The following NUP210 variants were observed in gnomAD, a reference collection of about 807,000 sequenced individuals.
The protein encoded by NUP210 is nucleoporin 210.
In NUP210, 151 loss-of-function variants were observed where a neutral mutation model predicts 196.0. That is an observed-to-expected ratio of 0.77 (90% CI 0.67 to 0.88). NUP210 has a LOEUF of 0.88. Among genes scored for constraint, NUP210 ranks in the 40% least tolerant of loss-of-function variants. The pLI is 0.00. For synonymous variants in NUP210, 1,070 were observed against 1,052.7 expected (o/e 1.02, Z -0.32); for missense variants, 2,314 against 2,493.7 (o/e 0.93, Z 1.53).
At chr3:13,355,543 A>G (rs1232907777) in intron 16 of NUP210, among the ~76,000 whole-genome samples, 1 of 152,214 alleles carries the variant, frequency 6.6e-6, no homozygotes, top group East Asian at 1.9e-4. Flanking sequence ...CTTGTTTGCC[A>G]TGGCAGCCTG....
At position 13,347,218 on chromosome 3, in the gene NUP210, T is replaced by G. The variant is rs1697774826; in HGVS notation, c.2836-3915A>C. Reference sequence around the variant, plus strand: ...CTCACAGGAGCTGGGCCCCCCGGCTTCATTCCCTCCTGAATCCGCAGTGCT... The same window carrying G: ...CTCACAGGAGCTGGGCCCCCCGGCTGCATTCCCTCCTGAATCCGCAGTGCT... On this transcript the variant is annotated intron_variant, in intron 20 of 39. Transcript: ENST00000254508. This position sits in a 1 kb window ranked among gnomAD's most constrained non-coding sequence, Gnocchi z 4.7. 1 of 985,218 alleles carries G rather than the reference T, an allele frequency of 1.0e-6. No individual in the cohort carries two copies. Among genetic ancestry groups the G allele is most frequent in the African/African-American group, 1.7e-5 (1 of 57,220 alleles). 61.0% of individuals were successfully genotyped at this position (985,218 alleles called of 1,614,324 possible).
chr3:13,318,058 G>C (rs1419254534), intron 39 of NUP210, among the ~76,000 whole-genome samples: 2 of 152,224 alleles, frequency 1.3e-5, no homozygotes, highest in Admixed American at 1.3e-4. Flanking sequence ...ATCTGTCCAG[G>C]GGGCATGAGG....
chr3:13,332,017 G>GT (rs892364375), intron 29 of NUP210, among the ~76,000 whole-genome samples: 4 of 151,270 alleles, frequency 2.6e-5, no homozygotes, highest in African/African-American at 7.4e-5. Context: ...CTAAGCTGGT[G>GT]TTTTTTTCCC....
chr3:13,349,390 G>C (rs1288080486), intron 20 of NUP210, among the ~76,000 whole-genome samples: 1 of 152,230 alleles, frequency 6.6e-6, no homozygotes, highest in African/African-American at 2.4e-5. Context: ...AGTGGGCTCA[G>C]AGGTGGGGGC....
At chr3:13,363,880 A>C (rs985405473) in intron 14 of NUP210, among the ~76,000 whole-genome samples, 2 of 152,002 alleles carry the variant, frequency 1.3e-5, no homozygotes, top group Non-Finnish European at 2.9e-5. Context: ...CCAGCCAAAC[A>C]CCCTGATAAT....
intron 16 of NUP210, among the ~76,000 whole-genome samples, chr3:13,355,788 T>C (rs558755175): frequency 5.9e-5 from 9 of 152,328 alleles, no homozygotes; most frequent in Non-Finnish European, 1.2e-4. Context: ...TGTAGGGACC[T>C]ATCCTAGGTG....
intron 13 of NUP210, among the ~76,000 whole-genome samples, chr3:13,366,314 T>C (rs528459087): frequency 4.9e-4 from 74 of 151,856 alleles, no homozygotes; most frequent in African/African-American, 1.7e-3. Context: ...TTTTTTTTAA[T>C]AGAGACGGGG....
At chr3:13,369,669 C>A (rs1698659878) in intron 13 of NUP210, among the ~76,000 whole-genome samples, 1 of 152,218 alleles carries the variant, frequency 6.6e-6, no homozygotes, top group Non-Finnish European at 1.5e-5. Context: ...GGTAAATAGA[C>A]TGTCCTTTCC....
At chr3:13,400,265 C>A (rs1699790876) in intron 1 of NUP210, among the ~76,000 whole-genome samples, 1 of 152,162 alleles carries the variant, frequency 6.6e-6, no homozygotes, top group Non-Finnish European at 1.5e-5. Flanking sequence ...GGCATCTCGA[C>A]CGACCTCTAG....
chr3:13,352,518 C>A (rs1698015046), intron 18 of NUP210, among the ~76,000 whole-genome samples: 1 of 152,248 alleles, frequency 6.6e-6, no homozygotes, highest in African/African-American at 2.4e-5. Context: ...AGCTTCAGAG[C>A]ATGTGGCCGC....
intron 1 of NUP210, among the ~76,000 whole-genome samples, chr3:13,401,243 G>A (rs1172353450): frequency 1.2e-5 from 1 of 82,582 alleles, no homozygotes; most frequent in African/African-American, 4.4e-5. Context: ...CTGGGCAACA[G>A]AGTGAGACTC....
In NUP210 at chr3:13,348,650, C is replaced by T. The variant is rs182456606; in HGVS notation, c.2835+3229G>A. 2.2e-5 allele frequency: 22 copies of T among 985,384 alleles called. No individual in the cohort carries two copies. In the East Asian group the frequency reaches 9.1e-4, roughly 41 times the overall value. 61.0% of individuals were successfully genotyped at this position (985,384 alleles called of 1,614,324 possible). ...TGAGGGGATAAGAATGCTTAGGAGA[C>T]GCTGCTTGTGGTCTCAGGCTCCTCG... is the stretch of plus-strand genomic sequence containing the variant. On this transcript the variant is annotated intron_variant, in intron 20 of 39. Transcript: ENST00000254508. The surrounding 1 kb of genome is among the most constrained non-coding windows in gnomAD (Gnocchi z 4.0).
chr3:13,316,763 G>A lies in NUP210; in HGVS notation c.*918C>T, dbSNP rs1033893794. On this transcript the variant is annotated 3_prime_UTR_variant, in exon 40 of 40. Coordinates refer to ENST00000254508, the MANE Select transcript of NUP210 (RefSeq NM_024923.4). ...CAGGCGGTGGCTCAGATCTGCTGAG[G>A]TTCTGGAGTGGCACAGGAACAGGAG... 1 of 152,362 alleles carries A rather than the reference G, an allele frequency of 6.6e-6. No individual in the cohort carries two copies. The highest frequency in any genetic ancestry group is 1.5e-5 in the Non-Finnish European group (1 of 68,134). The allele number at this position is 152,362 out of a possible 1,614,324, so 9.4% of individuals were successfully genotyped here.
At chr3:13,370,601 A>G (rs1458450441) in intron 13 of NUP210, among the ~76,000 whole-genome samples, 1 of 152,208 alleles carries the variant, frequency 6.6e-6, no homozygotes, top group Non-Finnish European at 1.5e-5. Context: ...TCCTGCTGTC[A>G]GCGGGCCTCT....
intron 16 of NUP210, among the ~76,000 whole-genome samples, chr3:13,355,878 A>C (rs139303901): frequency 9.6e-4 from 146 of 152,346 alleles, no homozygotes; most frequent in Non-Finnish European, 1.7e-3. Context: ...GGCCAAGCAC[A>C]TGTGCAAGCT....
chr3:13,365,953 G>A lies in NUP210; in HGVS notation c.1925C>T (p.Pro642Leu), dbSNP rs1559330472. The A allele has an allele frequency of 6.2e-7, 1 of 1,614,090 alleles. No homozygotes were observed. Among genetic ancestry groups the A allele is most frequent in the Non-Finnish European group, 8.5e-7 (1 of 1,179,922 alleles). The change falls in exon 14 of 40, where the codon CCC becomes CTC. Residue 642 changes from proline (P) to leucine (L), a missense_variant. Physicochemically the swap from Pro to Leu is moderately conservative, Grantham distance 98. Transcript: ENST00000254508. ...SAKITIAAYL[P>L]LKAVDPSSVA... ...GCAGGGCCCCTGGCTCACCTTGAGG[G>A]GCAGGTAGGCAGCAATGGTGATCTT...
Position 13,321,787 on chromosome 3 carries a change from C to T in NUP210, c.4964G>A (p.Arg1655Gln), listed in dbSNP as rs569442945. ...TGTCTTCTTCATGCTCAGGTGCTTC[C>T]GCTGCTTGTCCGTCAGCCTGTGCAT... ...ITMHRLTDKQ[R>Q]KHLSMKKTAL... The change falls in exon 36 of 40, where the codon CGG (arginine) becomes CAG (glutamine). Residue 1655 changes from arginine to glutamine, a missense_variant. Physicochemically the swap from Arg to Gln is conservative, Grantham distance 43. Coordinates refer to ENST00000254508, the MANE Select transcript of NUP210 (RefSeq NM_024923.4). The T allele has an allele frequency of 2.6e-5, 42 of 1,611,404 alleles. No homozygotes were observed. The highest frequency in any genetic ancestry group is 1.6e-4 in the Middle Eastern group (1 of 6,084).
chr3:13,386,263 C>T lies in NUP210; in HGVS notation c.817+12G>A, dbSNP rs1699269665. ...GGAAGCATCTGTCATGATGGCAGAGCCAATGACACACCTGTAATTTTCCCT... is the reference window on the plus strand; with the variant it reads ...GGAAGCATCTGTCATGATGGCAGAGTCAATGACACACCTGTAATTTTCCCT... On this transcript the variant is annotated intron_variant, in intron 6 of 39. Coordinates refer to ENST00000254508, the MANE Select transcript of NUP210 (RefSeq NM_024923.4). The T allele has an allele frequency of 1.9e-6, 3 of 1,610,628 alleles. No homozygotes were observed. Among genetic ancestry groups the T allele is most frequent in the Non-Finnish European group, 2.5e-6 (3 of 1,178,280 alleles).
chr3:13,375,987 C>T (rs1315081277), intron 10 of NUP210, among the ~76,000 whole-genome samples: 2 of 152,208 alleles, frequency 1.3e-5, no homozygotes, highest in African/African-American at 2.4e-5. Flanking sequence ...GAGTCACTGT[C>T]GGTGCATGGG....
Sources: allele counts gnomAD v4.1 joint callset (sites outside exome capture counted in the v4.1 genomes callset), GRCh38; gene constraint gnomAD v4.1.1; non-coding constraint Gnocchi (gnomAD v3.1); transcripts MANE v1.5; gene names NCBI Gene and HGNC (gene_info 2026-07-23, HGNC 2026-07-21).